The following DEUP1 variants were observed in gnomAD, a reference collection of about 807,000 sequenced individuals.
The protein encoded by DEUP1 is deuterosome assembly protein 1.
In DEUP1, 82 loss-of-function variants were observed where a neutral mutation model predicts 87.4. The ratio of observed to expected loss-of-function variants is 0.94; its 90% CI spans 0.78 to 1.13. The LOEUF is 1.13. Ranked by LOEUF, DEUP1 falls within the 50% of genes most tolerant of loss-of-function variation. The pLI is 0.00. For synonymous variants in DEUP1, 214 were observed against 222.7 expected (o/e 0.96, Z 0.35); for missense variants, 663 against 681.5 (o/e 0.97, Z 0.30).
chr11:93,378,071 C>T (rs369521491), intron 7 of DEUP1, among the ~76,000 whole-genome samples: 4 of 151,662 alleles, frequency 2.6e-5, no homozygotes, highest in Non-Finnish European at 5.9e-5. Flanking sequence ...GATCACCTGA[C>T]GACTATGTGC....
intron 9 of DEUP1, among the ~76,000 whole-genome samples, chr11:93,392,542 T>C (rs1434504985): frequency 1.3e-5 from 2 of 152,184 alleles, no homozygotes; most frequent in African/African-American, 4.8e-5. Flanking sequence ...TAGATACTAA[T>C]TCAATTAAAC....
chr11:93,430,012 T>C (rs943833042), intron 13 of DEUP1, among the ~76,000 whole-genome samples: 2 of 152,278 alleles, frequency 1.3e-5, no homozygotes, highest in South Asian at 2.1e-4. Flanking sequence ...CTATCAAGAC[T>C]ACTGCCGATC....
intron 4 of DEUP1, among the ~76,000 whole-genome samples, chr11:93,363,409 T>C (rs1591141147): frequency 6.6e-6 from 1 of 151,866 alleles, no homozygotes; most frequent in East Asian, 1.9e-4. Context: ...TTCAATAAGA[T>C]GTAAATATTG....
chr11:93,334,465 G>A (rs116165213), intron 2 of DEUP1, among the ~76,000 whole-genome samples: 419 of 152,236 alleles, frequency 2.8e-3, no homozygotes, highest in African/African-American at 9.5e-3. Flanking sequence ...GATAATAAAC[G>A]TATAAATTTG....
chr11:93,370,329 T>C lies in DEUP1; in HGVS notation c.546+143T>C, dbSNP rs1160803695. 6 of 564,384 alleles carry C rather than the reference T, an allele frequency of 1.1e-5. 1 individual carries two copies. In the South Asian group the frequency reaches 1.5e-4, roughly 14 times the overall value. The allele number at this position is 564,384 out of a possible 1,614,324, so 35.0% of individuals were successfully genotyped here. ...GTCCAAAGGTGGGTACAGTCACAAG[T>C]GCATAGAATATCTGTTAATGGTGAG... is the stretch of plus-strand genomic sequence containing the variant. On this transcript the variant is annotated intron_variant, in intron 6 of 13. Transcript: ENST00000298050.
intron 2 of DEUP1, among the ~76,000 whole-genome samples, chr11:93,351,591 T>C (rs1350321457): frequency 6.6e-6 from 1 of 152,268 alleles, no homozygotes. Context: ...GCCATAGTTC[T>C]ATTCTTTCCC....
intron 7 of DEUP1, among the ~76,000 whole-genome samples, chr11:93,373,938 C>G (rs1029411692): frequency 3.3e-5 from 5 of 152,088 alleles, no homozygotes; most frequent in Non-Finnish European, 5.9e-5. Context: ...TTCACCACAA[C>G]CATACCAACA....
At chr11:93,363,553 C>T (rs989908807) in intron 4 of DEUP1, among the ~76,000 whole-genome samples, 1 of 151,574 alleles carries the variant, frequency 6.6e-6, no homozygotes, top group African/African-American at 2.4e-5. Flanking sequence ...GAAATTTCCT[C>T]ACAAATGTTC....
chr11:93,360,639 A>G (rs1945127212), intron 4 of DEUP1, among the ~76,000 whole-genome samples: 1 of 152,152 alleles, frequency 6.6e-6, no homozygotes, highest in South Asian at 2.1e-4. Context: ...AAAGTATAAT[A>G]ACCAAATTTA....
At chr11:93,373,641 A>G (rs1439357155) in intron 7 of DEUP1, among the ~76,000 whole-genome samples, 2 of 146,244 alleles carry the variant, frequency 1.4e-5, no homozygotes, top group African/African-American at 2.5e-5. Context: ...ATATATATAT[A>G]TATATATATA....
chr11:93,399,022 C>T (rs1024291023), intron 11 of DEUP1, among the ~76,000 whole-genome samples: 3 of 152,108 alleles, frequency 2.0e-5, no homozygotes, highest in Non-Finnish European at 4.4e-5. Flanking sequence ...CCCGTCCACC[C>T]TCATGTCAAT....
At chr11:93,404,355 T>G (rs1021966881) in intron 11 of DEUP1, among the ~76,000 whole-genome samples, 1 of 152,056 alleles carries the variant, frequency 6.6e-6, no homozygotes, top group Non-Finnish European at 1.5e-5. Context: ...TTTCTTTTAT[T>G]TAAGAAAGTT....
In DEUP1 at chr11:93,408,302, G is replaced by A. The variant is rs375704117; in HGVS notation, c.1398G>A (p.Arg466=). Residue 466 remains arginine (R), a synonymous_variant, in exon 12 of 14, where the codon AGG becomes AGA. Coordinates refer to ENST00000298050, the MANE Select transcript of DEUP1 (RefSeq NM_181645.4). ...ATAAACTGCAATATGAGAATGAAAG[G>A]CTCCGAAATGATCTTGCAAAACTTC... is the stretch of plus-strand genomic sequence containing the variant. ...SINKLQYENE[R]LRNDLAKLHV... 13 of 1,580,922 alleles carry A rather than the reference G, an allele frequency of 8.2e-6. No homozygotes were observed. The highest frequency in any genetic ancestry group is 5.4e-5 in the African/African-American group (4 of 74,234).
Position 93,356,957 on chromosome 11 carries a change from C to A in DEUP1, c.211C>A (p.Leu71Ile), listed in dbSNP as rs750658344. 3 of 1,594,440 alleles carry A rather than the reference C, an allele frequency of 1.9e-6. No individual in the cohort carries two copies. Among genetic ancestry groups the A allele is most frequent in the African/African-American group, 2.7e-5 (2 of 74,230 alleles). The change falls in exon 4 of 14, where the codon CTT (leucine) becomes ATT (isoleucine). Residue 71 changes from leucine to isoleucine, a missense_variant. Physicochemically the swap from Leu to Ile is conservative, Grantham distance 5. Coordinates refer to ENST00000298050, the MANE Select transcript of DEUP1 (RefSeq NM_181645.4). ...TTTATTCTTCATGCAGGTAGGGTTA[C>A]TTCGACAGAAATTGGACAGTCTGGA... ...LDQKGQEVGL[L>I]RQKLDSLEKC...
intron 9 of DEUP1, among the ~76,000 whole-genome samples, chr11:93,390,816 G>T (rs1006601702): frequency 5.9e-5 from 9 of 152,094 alleles, no homozygotes; most frequent in Admixed American, 2.0e-4. Context: ...GGGCATGGTG[G>T]CTCACACCTG....
chr11:93,332,690 G>C (rs1197283783), intron 2 of DEUP1, among the ~76,000 whole-genome samples: 2 of 152,180 alleles, frequency 1.3e-5, no homozygotes, highest in Non-Finnish European at 2.9e-5. Context: ...AACATAGCCT[G>C]AGAATAGATG....
In DEUP1 at chr11:93,370,191, G is replaced by C; in HGVS notation, c.546+5G>C. On this transcript the variant is annotated splice_donor_5th_base_variant and intron_variant, in intron 6 of 13. Transcript: ENST00000298050. ...GAGAAGTGTAATCAGTTTCAGGTAAGTTATCTAATACTATTCTCTAAATCA... is the reference window on the plus strand; with the variant it reads ...GAGAAGTGTAATCAGTTTCAGGTAACTTATCTAATACTATTCTCTAAATCA... 1 of 1,362,242 alleles carries C rather than the reference G, an allele frequency of 7.3e-7. No homozygotes were observed. The highest frequency in any genetic ancestry group is 1.0e-6 in the Non-Finnish European group (1 of 961,152). 84.4% of individuals were successfully genotyped at this position (1,362,242 alleles called of 1,614,324 possible). A position where few individuals can be genotyped will look rare whatever the true frequency, so the allele number is the denominator to read the frequency against.
chr11:93,375,957 G>A (rs1256011324), intron 7 of DEUP1, among the ~76,000 whole-genome samples: 1 of 151,864 alleles, frequency 6.6e-6, no homozygotes, highest in East Asian at 1.9e-4. Flanking sequence ...GTTTTGTTTT[G>A]TTTTGTTTTT....
intron 10 of DEUP1, 79 bp downstream of exon 10, chr11:93,394,735 T>A (rs1157224394): frequency 6.7e-6 from 6 of 900,876 alleles, no homozygotes; most frequent in Non-Finnish European, 8.2e-6. Context: ...TATTGACTAA[T>A]GAAAACATTA....
Sources: gnomAD v4.1 joint callset for allele counts (sites outside exome capture counted in the v4.1 genomes callset) on GRCh38, gnomAD v4.1.1 for gene constraint, MANE v1.5 for transcripts, NCBI Gene and HGNC (gene_info 2026-07-23, HGNC 2026-07-21) for gene names.